PLA2R1: variants seen among roughly 807,000 people sequenced by gnomAD.
PLA2R1 encodes secretory phospholipase A2 receptor.
In PLA2R1, 158 loss-of-function variants were observed where a neutral mutation model predicts 195.9. That is an observed-to-expected ratio of 0.81 (90% CI 0.71 to 0.92). The LOEUF is 0.92. PLA2R1 is among the 40% of genes least tolerant of loss of function. The pLI is 0.00. For synonymous variants in PLA2R1, 586 were observed against 598.2 expected, an observed-to-expected ratio of 0.98 and a Z score of 0.30; for missense variants, 1,626 against 1,764.6, an observed-to-expected ratio of 0.92 and a Z score of 1.41.
In PLA2R1 at chr2:159,949,689, C is replaced by T. The variant is rs1048072071; in HGVS notation, c.3628G>A (p.Val1210Ile). 1.2e-5 allele frequency: 20 copies of T among 1,613,826 alleles called. No individual in the cohort carries two copies. Among genetic ancestry groups the T allele is most frequent in the South Asian group, 5.5e-5 (5 of 91,082 alleles). ...DEESSLLGDC[V>I]FADSNGRWHS... ...CAGCGTCCGTTGCTGTCGGCAAAAA[C>T]GCAGTCACCAAGGAGGGAGGACTCC... is the stretch of plus-strand genomic sequence containing the variant. Residue 1210 changes from valine to isoleucine, a missense_variant, in exon 25 of 30, where the codon GTT becomes ATT. Coordinates refer to ENST00000283243, the MANE Select transcript of PLA2R1 (RefSeq NM_007366.5).
intron 19 of PLA2R1, among the ~76,000 whole-genome samples, chr2:159,968,012 A>T (rs551043512): frequency 1.3e-5 from 2 of 152,200 alleles, no homozygotes; most frequent in Non-Finnish European, 1.5e-5. Flanking sequence ...ATTTCATTTT[A>T]AAATGTTCAA....
intron 12 of PLA2R1, among the ~76,000 whole-genome samples, chr2:159,984,857 T>C (rs1690214505): frequency 6.6e-6 from 1 of 152,198 alleles, no homozygotes; most frequent in Non-Finnish European, 1.5e-5. Context: ...GCCAGACAGG[T>C]ACACCCTGTG....
chr2:160,002,445 A>G (rs1366256052), intron 11 of PLA2R1, among the ~76,000 whole-genome samples: 1 of 152,122 alleles, frequency 6.6e-6, no homozygotes, highest in East Asian at 1.9e-4. Flanking sequence ...AAAAGTGAAC[A>G]CTCTCCAATT....
chr2:159,957,910 T>C (rs1468529226), intron 20 of PLA2R1, among the ~76,000 whole-genome samples: 1 of 152,188 alleles, frequency 6.6e-6, no homozygotes, highest in African/African-American at 2.4e-5. Context: ...TCTTCTCTCA[T>C]AATCAATTCT....
intron 17 of PLA2R1, among the ~76,000 whole-genome samples, chr2:159,973,982 A>G (rs1185704652): frequency 6.6e-6 from 1 of 151,912 alleles, no homozygotes; most frequent in African/African-American, 2.4e-5. Context: ...CTTCCATGGG[A>G]GGCATTATCT....
intron 9 of PLA2R1, among the ~76,000 whole-genome samples, chr2:160,014,012 A>C (rs1266591663): frequency 6.6e-6 from 1 of 152,124 alleles, no homozygotes; most frequent in Non-Finnish European, 1.5e-5. Context: ...GAACAAAGAG[A>C]ATATATGTAT....
chr2:159,962,105 G>T (rs1291471845), intron 20 of PLA2R1, among the ~76,000 whole-genome samples: 1 of 152,114 alleles, frequency 6.6e-6, no homozygotes, highest in Non-Finnish European at 1.5e-5. Flanking sequence ...GCAACCTACA[G>T]AATGGGAGAA....
rs1391467445 is a variant in PLA2R1 at position 159,938,013 on chromosome 2, G to T, written c.*3765C>A. 2 of 152,176 alleles carry T rather than the reference G, an allele frequency of 1.3e-5. No individual in the cohort carries two copies. The highest frequency in any genetic ancestry group is 2.9e-5 in the Non-Finnish European group (2 of 68,024). 9.4% of individuals were successfully genotyped at this position (152,176 alleles called of 1,614,324 possible). On this transcript the variant is annotated 3_prime_UTR_variant, in exon 30 of 30. Transcript: ENST00000283243. ...AGAGAAAGGCATTTGTGTAAAGAGAGGTGGGAAAGAAGAACCAGGGGTGCT... is the reference window on the plus strand; with the variant it reads ...AGAGAAAGGCATTTGTGTAAAGAGATGTGGGAAAGAAGAACCAGGGGTGCT...
chr2:160,045,597 C>T (rs1322972510), intron 1 of PLA2R1, among the ~76,000 whole-genome samples: 3 of 152,216 alleles, frequency 2.0e-5, no homozygotes, highest in Non-Finnish European at 4.4e-5. Context: ...GCTGCTGAAT[C>T]AAGAGCCACT....
chr2:160,008,320 C>A (rs1263341878), intron 10 of PLA2R1, among the ~76,000 whole-genome samples: 1 of 152,018 alleles, frequency 6.6e-6, no homozygotes, highest in Non-Finnish European at 1.5e-5. Context: ...ACAACAAAAA[C>A]AAAACAAAAA....
intron 28 of PLA2R1, among the ~76,000 whole-genome samples, chr2:159,943,490 A>G (rs963875579): frequency 6.6e-6 from 1 of 152,206 alleles, no homozygotes; most frequent in African/African-American, 2.4e-5. Context: ...TCTTTAAGAA[A>G]GACTGTTAAG....
In PLA2R1 at chr2:160,062,553, C is replaced by A. The variant is rs1696043019; in HGVS notation, c.-150G>T. 3 of 1,353,626 alleles carry A rather than the reference C, an allele frequency of 2.2e-6. No individual in the cohort carries two copies. The highest frequency in any genetic ancestry group is 7.1e-5 in the Admixed American group (2 of 28,300). 83.9% of individuals were successfully genotyped at this position (1,353,626 alleles called of 1,614,324 possible). On this transcript the variant is annotated 5_prime_UTR_variant, in exon 1 of 30. Transcript: ENST00000283243. ...CACCCCCTCCGGGGGCCTTGCCAGC[C>A]CAGAGCCCTGGAGACCCACTCCGCC... is the stretch of plus-strand genomic sequence containing the variant.
At chr2:160,002,571 T>C (rs1157319254) in intron 11 of PLA2R1, among the ~76,000 whole-genome samples, 1 of 151,898 alleles carries the variant, frequency 6.6e-6, no homozygotes, top group African/African-American at 2.4e-5. Context: ...CACTCAAAGG[T>C]TAGTTTGTGT....
Position 159,940,672 on chromosome 2 carries a change from A to T in PLA2R1, c.*1106T>A, listed in dbSNP as rs1286593209. 2 of 152,170 alleles carry T rather than the reference A, an allele frequency of 1.3e-5. No homozygotes were observed. Among genetic ancestry groups the T allele is most frequent in the Admixed American group, 6.5e-5 (1 of 15,282 alleles). The allele number at this position is 152,170 out of a possible 1,614,324, so 9.4% of individuals were successfully genotyped here. A position where few individuals can be genotyped will look rare whatever the true frequency, so the allele number is the denominator to read the frequency against. The stretch of plus-strand genomic sequence containing the variant: ...CTAATAAAGGAAAATAAAATCTGTA[A>T]TTTTTTATTTACAGACAGTATCATA... On this transcript the variant is annotated 3_prime_UTR_variant, in exon 30 of 30. Coordinates refer to ENST00000283243, the MANE Select transcript of PLA2R1 (RefSeq NM_007366.5).
chr2:159,960,422 G>A lies in PLA2R1; in HGVS notation c.2905-3795C>T, dbSNP rs144148523. ...TGTTTTTCCTCACCACTGAATTCCCGACATCGAGATAGTAAATGAATGAAT... is the reference window on the plus strand; with the variant it reads ...TGTTTTTCCTCACCACTGAATTCCCAACATCGAGATAGTAAATGAATGAAT... On this transcript the variant is annotated intron_variant, in intron 20 of 29. Transcript: ENST00000283243. Among the ~76,000 whole-genome samples, 370 of 152,122 alleles carry A rather than the reference G, an allele frequency of 2.4e-3. 1 individual carries two copies. The highest frequency in any genetic ancestry group is 8.3e-3 in the African/African-American group (343 of 41,504).
Position 159,946,840 on chromosome 2 carries a change from C to T in PLA2R1, c.3928G>A (p.Val1310Ile). The T allele has an allele frequency of 1.2e-6, 2 of 1,610,766 alleles. No individual in the cohort carries two copies. Among genetic ancestry groups the T allele is most frequent in the Non-Finnish European group, 8.5e-7 (1 of 1,178,862 alleles). Residue 1310 changes from valine to isoleucine, a missense_variant, in exon 27 of 30, where the codon GTC (valine) becomes ATC (isoleucine). Transcript: ENST00000283243. ...LEELFAFGSS[V>I]QMVWLNAQFD... Reference sequence around the variant, plus strand: ...TGAGCATTCAACCAAACCATCTGGACAGAAGAACCAAAAGCAAACAGCTCT... The same window carrying T: ...TGAGCATTCAACCAAACCATCTGGATAGAAGAACCAAAAGCAAACAGCTCT...
At chr2:159,956,001 T>C (rs1208415025) in intron 21 of PLA2R1, among the ~76,000 whole-genome samples, 173 bp from the exon 22 acceptor site, 4 of 152,236 alleles carry the variant, frequency 2.6e-5, no homozygotes. Flanking sequence ...CTTTCACTTT[T>C]GTTTTAGTTT....
In PLA2R1 at chr2:159,978,423, T is replaced by C. The variant is rs566630291; in HGVS notation, c.2269-1007A>G. On this transcript the variant is annotated intron_variant, in intron 14 of 29. Transcript: ENST00000283243. Reference sequence around the variant, plus strand: ...CGTAATAATTCATCTATCTAAAATATATATAGCCTCAGGTTCAGAAAATGG... The same window carrying C: ...CGTAATAATTCATCTATCTAAAATACATATAGCCTCAGGTTCAGAAAATGG... 3.9e-5 allele frequency among the ~76,000 whole-genome samples: 6 copies of C among 152,304 alleles called. No individual in the cohort carries two copies. In the South Asian group the frequency reaches 8.3e-4, roughly 21 times the overall value.
chr2:160,053,296 C>T (rs1695327308), intron 1 of PLA2R1, among the ~76,000 whole-genome samples: 1 of 150,736 alleles, frequency 6.6e-6, no homozygotes, highest in Non-Finnish European at 1.5e-5. Context: ...AACTTGTTTA[C>T]CTCTGTGAAG....
Sources: allele counts gnomAD v4.1 joint callset (sites outside exome capture counted in the v4.1 genomes callset), GRCh38; gene constraint gnomAD v4.1.1; transcripts MANE v1.5; gene names NCBI Gene and HGNC (gene_info 2026-07-23, HGNC 2026-07-21).